GTF2F2: variants seen among roughly 807,000 people sequenced by gnomAD.
The protein encoded by GTF2F2 is ATP-dependent helicase GTF2F2.
A neutral mutation model predicts 42.2 loss-of-function variants in GTF2F2; 23 were observed. The observed-to-expected ratio is 0.55, with a 90% CI of 0.39 to 0.77. The LOEUF (loss-of-function observed/expected upper bound fraction) is 0.77. GTF2F2 is among the 30% of genes least tolerant of loss of function. The probability of loss-of-function intolerance (pLI) is 0.00; values close to 1 mark genes in which losing one functional copy is unlikely to be tolerated. For missense variants in GTF2F2, 261 were observed against 287.2 expected, an observed-to-expected ratio of 0.91 and a Z score of 0.66; for synonymous variants, 105 against 100.8, an observed-to-expected ratio of 1.04 and a Z score of -0.25.
chr13:45,177,470 A>G (rs762012933), intron 4 of GTF2F2, among the ~76,000 whole-genome samples: 16 of 152,208 alleles, frequency 1.1e-4, no homozygotes, highest in Admixed American at 6.5e-4. Flanking sequence ...GGGCCATCTT[A>G]GTTCATTCTG....
intron 5 of GTF2F2, among the ~76,000 whole-genome samples, chr13:45,250,390 C>T (rs1349739210): frequency 6.6e-6 from 1 of 152,184 alleles, no homozygotes; most frequent in African/African-American, 2.4e-5. Flanking sequence ...CCAGTTTACT[C>T]TCAAAATGCA....
At chr13:45,141,901 C>A (rs950476206) in intron 2 of GTF2F2, among the ~76,000 whole-genome samples, 1 of 151,922 alleles carries the variant, frequency 6.6e-6, no homozygotes, top group Non-Finnish European at 1.5e-5. Context: ...TTTTTCTAAC[C>A]CCTTTAGGCT....
intron 1 of GTF2F2, 30 bp from the exon 2 acceptor site, chr13:45,136,703 T>TA: frequency 8.5e-7 from 1 of 1,176,312 alleles, no homozygotes; most frequent in Non-Finnish European, 1.3e-6. Context: ...GCATCTAAAA[T>TA]AGACTTATTA....
chr13:45,165,565 T>G, intron 4 of GTF2F2, among the ~76,000 whole-genome samples: 1 of 137,784 alleles, frequency 7.3e-6, no homozygotes, highest in African/African-American at 3.2e-5. Flanking sequence ...TCCACTGCCC[T>G]CGCCCCCCCC....
At position 45,131,897 on chromosome 13, in the gene GTF2F2, C is replaced by CAAAAAAA. The variant is rs765260379; in HGVS notation, c.67-4818_67-4812dup. Among the ~76,000 whole-genome samples, 16 of 53,200 alleles carry CAAAAAAA rather than the reference C, an allele frequency of 3.0e-4. 1 individual carries two copies. The highest frequency in any genetic ancestry group is 7.8e-4 in the African/African-American group (14 of 18,002). The allele number at this position is 53,200 out of a possible 152,430, so 34.9% of individuals were successfully genotyped here. A position where few individuals can be genotyped will look rare whatever the true frequency, so the allele number is the denominator to read the frequency against. On this transcript the variant is annotated intron_variant, in intron 1 of 7. Transcript: ENST00000340473. ...TGGGTGACAGAATGAGACCCTGTCT[C>CAAAAAAA]AAAAAAAAAAAAAAAAAAAAAAAAG...
At chr13:45,225,631 A>G (rs1874311528) in intron 5 of GTF2F2, among the ~76,000 whole-genome samples, 1 of 151,356 alleles carries the variant, frequency 6.6e-6, no homozygotes, top group African/African-American at 2.4e-5. Flanking sequence ...AAAAAAAAAA[A>G]GAATAGCCTT....
intron 4 of GTF2F2, among the ~76,000 whole-genome samples, chr13:45,160,653 AGTTTTTAAATATAGGGGAGCT>A (rs1870992003): frequency 6.6e-6 from 1 of 152,172 alleles, no homozygotes; most frequent in Non-Finnish European, 1.5e-5. Context: ...TTATCAGAAA[AGTTTTTAAATATAGGGGAGCT>A]GTTAAGTTTA....
chr13:45,131,245 G>GA (rs1200594088), intron 1 of GTF2F2, among the ~76,000 whole-genome samples: 4 of 151,862 alleles, frequency 2.6e-5, no homozygotes, highest in African/African-American at 9.7e-5. Flanking sequence ...GAAGAGGGGG[G>GA]ATCCAAGGAC....
intron 5 of GTF2F2, among the ~76,000 whole-genome samples, chr13:45,230,587 T>G (rs1319332453): frequency 6.6e-6 from 1 of 152,224 alleles, no homozygotes; most frequent in African/African-American, 2.4e-5. Context: ...TTGCCAGTCT[T>G]TTTTTAAAAT....
intron 2 of GTF2F2, among the ~76,000 whole-genome samples, chr13:45,140,532 T>G (rs1409711166): frequency 6.6e-6 from 1 of 152,224 alleles, no homozygotes; most frequent in Non-Finnish European, 1.5e-5. Flanking sequence ...GGCTTTTATA[T>G]GAATCCATTA....
intron 5 of GTF2F2, among the ~76,000 whole-genome samples, chr13:45,209,556 T>C (rs954002697): frequency 1.1e-4 from 17 of 152,074 alleles, no homozygotes; most frequent in South Asian, 2.1e-4. Flanking sequence ...GAGAAAGAGA[T>C]GGGGTAAGAA....
chr13:45,187,766 C>A (rs759498098), intron 4 of GTF2F2, among the ~76,000 whole-genome samples: 2 of 152,164 alleles, frequency 1.3e-5, no homozygotes, highest in Non-Finnish European at 2.9e-5. Context: ...CATATTACAT[C>A]TTTGTTTTGT....
At chr13:45,190,232 A>G (rs1456561005) in intron 4 of GTF2F2, among the ~76,000 whole-genome samples, 1 of 152,258 alleles carries the variant, frequency 6.6e-6, no homozygotes, top group Non-Finnish European at 1.5e-5. Context: ...TATGCAGCCA[A>G]CAGACATGTG....
At position 45,120,636 on chromosome 13, in the gene GTF2F2, C is replaced by T; in HGVS notation, c.-20C>T. 1 of 1,549,756 alleles carries T rather than the reference C, an allele frequency of 6.5e-7. No individual in the cohort carries two copies. Among genetic ancestry groups the T allele is most frequent in the Non-Finnish European group, 8.7e-7 (1 of 1,144,580 alleles). On this transcript the variant is annotated 5_prime_UTR_variant, in exon 1 of 8. Transcript: ENST00000340473. ...TGGGGTCGCTGCTGCATCCCGCACG[C>T]CTCCACCGGCTGCAGACCCATGGCC...
intron 5 of GTF2F2, among the ~76,000 whole-genome samples, chr13:45,225,047 A>G (rs1874272390): frequency 6.6e-6 from 1 of 152,230 alleles, no homozygotes; most frequent in Non-Finnish European, 1.5e-5. Context: ...GGCCTTCACT[A>G]AACTACAGAT....
At position 45,140,355 on chromosome 13, in the gene GTF2F2, G is replaced by A. The variant is rs904914511; in HGVS notation, c.140+3549G>A. Among the ~76,000 whole-genome samples, 6 of 152,298 alleles carry A rather than the reference G, an allele frequency of 3.9e-5. No homozygotes were observed. In the East Asian group the frequency reaches 1.2e-3, roughly 29 times the overall value. On this transcript the variant is annotated intron_variant, in intron 2 of 7. Transcript: ENST00000340473. Reference sequence around the variant, plus strand: ...TATCTCGTTTTCTCAAGGAATGATTGAGTATATGTTCATAGTGGAGTCAGG... The same window carrying A: ...TATCTCGTTTTCTCAAGGAATGATTAAGTATATGTTCATAGTGGAGTCAGG...
At chr13:45,195,024 G>T (rs1303315185) in intron 4 of GTF2F2, among the ~76,000 whole-genome samples, 3 of 152,112 alleles carry the variant, frequency 2.0e-5, no homozygotes, top group Non-Finnish European at 4.4e-5. Flanking sequence ...TATTGATTTA[G>T]TGTCATCTTT....
intron 4 of GTF2F2, among the ~76,000 whole-genome samples, chr13:45,182,406 A>G (rs552143617): frequency 3.0e-4 from 45 of 152,102 alleles, no homozygotes; most frequent in South Asian, 1.7e-3. Context: ...CACTTTCCCA[A>G]TGTTCTTACT....
chr13:45,188,220 A>G (rs761244976), intron 4 of GTF2F2, among the ~76,000 whole-genome samples: 7 of 152,184 alleles, frequency 4.6e-5, no homozygotes, highest in Admixed American at 2.0e-4. Flanking sequence ...CTGATTTTAT[A>G]TTGCTGACAA....
Sources: allele counts gnomAD v4.1 joint callset (sites outside exome capture counted in the v4.1 genomes callset), GRCh38; gene constraint gnomAD v4.1.1; transcripts MANE v1.5; gene names NCBI Gene and HGNC (gene_info 2026-07-23, HGNC 2026-07-21).